The following CENPT variants were observed in gnomAD, a reference collection of about 807,000 sequenced individuals.
The protein encoded by CENPT is centromere protein T, also known as interphase centromere complex protein 22.
Under a neutral mutation model 59.7 loss-of-function variants are expected in CENPT, and 42 were observed. The ratio of observed to expected loss-of-function variants is 0.70; its 90% CI spans 0.55 to 0.91. The LOEUF (loss-of-function observed/expected upper bound fraction) is 0.91. CENPT is among the 40% of genes least tolerant of loss of function. The probability of loss-of-function intolerance (pLI) is 0.00; values close to 1 mark genes in which losing one functional copy is unlikely to be tolerated. For missense variants in CENPT, 716 were observed against 713.4 expected (o/e 1.00, Z -0.04); for synonymous variants, 295 against 289.6 (o/e 1.02, Z -0.19).
chr16:67,831,920 C>G (rs367603713), intron 7 of CENPT, 30 bp from the exon 8 acceptor site: 2 of 1,602,208 alleles, frequency 1.2e-6, no homozygotes, highest in Non-Finnish European at 8.5e-7. Flanking sequence ...CTCAGACAGG[C>G]CAGGAAGTCC....
chr16:67,839,552 A>C (rs549907140), intron 1 of CENPT, among the ~76,000 whole-genome samples: 11 of 151,964 alleles, frequency 7.2e-5, no homozygotes, highest in Admixed American at 2.0e-4. Context: ...AGAGTGAGAC[A>C]TCGTCTAAGA....
At chr16:67,830,977 C>G in intron 10 of CENPT, 3 of 586,914 alleles carry the variant, frequency 5.1e-6, no homozygotes, top group Non-Finnish European at 9.0e-6. Flanking sequence ...CACACCACAC[C>G]CCTTTACAAC....
At chr16:67,846,756 C>T (rs920609033) in intron 1 of CENPT, 4 of 152,388 alleles carry the variant, frequency 2.6e-5, no homozygotes, top group Admixed American at 2.6e-4. Context: ...AGCCTCCCTC[C>T]CTGGCTTAGC....
rs2057692515 is a variant in CENPT, at chr16:67,831,833, C to T, written c.444G>A (p.Leu148=). The stretch of plus-strand genomic sequence containing the variant: ...GCCTCTGTTTCCTCCTGCCAGGGGC[C>T]AGCAGACCTGGAGCCAGGGTTGTGG... ...EPPTTLAPGL[L]APGRRKQRLR... Residue 148 remains leucine, a synonymous_variant, in exon 8 of 16, where the codon CTG becomes CTA. Transcript: ENST00000562787. 1 of 1,609,086 alleles carries T rather than the reference C, an allele frequency of 6.2e-7. No individual in the cohort carries two copies.
In CENPT at chr16:67,833,848, G is replaced by C. The variant is rs758860929; in HGVS notation, c.12C>G (p.His4Gln). The C allele has an allele frequency of 6.4e-7, 1 of 1,559,152 alleles. No individual in the cohort carries two copies. The highest frequency in any genetic ancestry group is 8.7e-7 in the Non-Finnish European group (1 of 1,155,380). MAD[H>Q]NPDSDSTPRT... is the part of the protein sequence containing the mutation. ...GCGGCGTGGAGTCGCTGTCAGGGTT[G>C]TGGTCAGCCATCGTCTCGGCCCCGG... Residue 4 changes from histidine to glutamine, a missense_variant, in exon 4 of 16, where the codon CAC becomes CAG. Physicochemically the swap from His to Gln is conservative, Grantham distance 24 (BLOSUM62 0). Transcript: ENST00000562787.
chr16:67,832,834 T>A (rs529915625), intron 4 of CENPT, among the ~76,000 whole-genome samples: 76 of 152,186 alleles, frequency 5.0e-4, no homozygotes, highest in Middle Eastern at 6.8e-3. Context: ...AAAGGATAAG[T>A]AGGGGTTAGC....
At chr16:67,835,947 A>G (rs973476490) in intron 1 of CENPT, among the ~76,000 whole-genome samples, 2 of 151,346 alleles carry the variant, frequency 1.3e-5, no homozygotes, top group Non-Finnish European at 2.9e-5. Flanking sequence ...ACGGGGTTTC[A>G]CCATTTTGGT....
chr16:67,832,149 G>A (rs1338616774), intron 6 of CENPT, 41 bp from the exon 7 acceptor site: 1 of 1,605,960 alleles, frequency 6.2e-7, no homozygotes, highest in East Asian at 2.2e-5. Context: ...GACAGAACAG[G>A]CCACCCTGAA....
At chr16:67,845,721 G>C (rs1035776460) in intron 1 of CENPT, among the ~76,000 whole-genome samples, 1 of 152,248 alleles carries the variant, frequency 6.6e-6, no homozygotes, top group Non-Finnish European at 1.5e-5. Flanking sequence ...TTAGGGAGAA[G>C]AAGACAGTTC....
Position 67,843,643 on chromosome 16 carries a change from C to A in CENPT, c.-492+3758G>T. 3 of 806,134 alleles carry A rather than the reference C, an allele frequency of 3.7e-6. No homozygotes were observed. The highest frequency in any genetic ancestry group is 5.8e-6 in the Non-Finnish European group (3 of 517,978). The allele number at this position is 806,134 out of a possible 1,614,324, so 49.9% of individuals were successfully genotyped here. On this transcript the variant is annotated intron_variant, in intron 1 of 15. Transcript: ENST00000562787. The surrounding 1 kb of genome is among the most constrained non-coding windows in gnomAD (Gnocchi z 5.7). ...CTGGACTCTCTTGCTGGTGACCTGGCATCCTCAATTGTTTCCTCCTGAAGT... is the reference window on the plus strand; with the variant it reads ...CTGGACTCTCTTGCTGGTGACCTGGAATCCTCAATTGTTTCCTCCTGAAGT...
intron 10 of CENPT, 109 bp downstream of exon 10, chr16:67,831,107 T>C: frequency 6.9e-7 from 1 of 1,447,278 alleles, no homozygotes; most frequent in South Asian, 1.2e-5. Flanking sequence ...AGTTGCTCGC[T>C]GTCCTTGACC....
In CENPT at chr16:67,843,485, A is replaced by G; in HGVS notation, c.-492+3916T>C. On this transcript the variant is annotated intron_variant, in intron 1 of 15. Coordinates refer to ENST00000562787, the MANE Select transcript of CENPT (RefSeq NM_025082.4). This position sits in a 1 kb window ranked among gnomAD's most constrained non-coding sequence, Gnocchi z 5.7. ...GCTTGCCATGGCTGTCATCCGCAAG[A>G]AGCACGGAATGTGAACTGGTGCCCC... is the stretch of plus-strand genomic sequence containing the variant. The G allele has an allele frequency of 1.2e-6, 2 of 1,610,298 alleles. No individual in the cohort carries two copies. Among genetic ancestry groups the G allele is most frequent in the Non-Finnish European group, 1.7e-6 (2 of 1,177,964 alleles).
Position 67,842,839 on chromosome 16 carries a change from T to TGGGGCC in CENPT, c.-492+4556_-492+4561dup, listed in dbSNP as rs759655684. The stretch of plus-strand genomic sequence containing the variant: ...AGCGCAAAGTAGCGCGCAGACCCGC[T>TGGGGCC]GGGGCCGCGGCCGCCCGCCGCAGGC... On this transcript the variant is annotated intron_variant, in intron 1 of 15. Transcript: ENST00000562787. The surrounding 1 kb of genome is among the most constrained non-coding windows in gnomAD (Gnocchi z 4.9). 8.7e-6 allele frequency: 14 copies of TGGGGCC among 1,601,692 alleles called. No individual in the cohort carries two copies. In the South Asian group the frequency reaches 1.2e-4, roughly 14 times the overall value.
At chr16:67,831,098 G>C (rs1339037991) in intron 10 of CENPT, 118 bp downstream of exon 10, 2 of 1,343,702 alleles carry the variant, frequency 1.5e-6, no homozygotes, top group Non-Finnish European at 2.1e-6. Context: ...ACTGACCAGA[G>C]TTGCTCGCTG....
Position 67,830,554 on chromosome 16 carries a change from G to C in CENPT, c.704-6C>G. On this transcript the variant is annotated splice_region_variant and splice_polypyrimidine_tract_variant and intron_variant, in intron 10 of 15. Transcript: ENST00000562787. ...GGTGTCCTCCAACACAATGTCTGTGGGCAGAGTAGTAACAGGTTCTGAGGC... is the reference window on the plus strand; with the variant it reads ...GGTGTCCTCCAACACAATGTCTGTGCGCAGAGTAGTAACAGGTTCTGAGGC... 6.2e-7 allele frequency: 1 copy of C among 1,613,682 alleles called. No individual in the cohort carries two copies. The highest frequency in any genetic ancestry group is 8.5e-7 in the Non-Finnish European group (1 of 1,179,854).
chr16:67,831,980 A>G, intron 7 of CENPT, 32 bp downstream of exon 7: 2 of 1,590,674 alleles, frequency 1.3e-6, no homozygotes, highest in Non-Finnish European at 1.7e-6. Flanking sequence ...AGCTGCCCAT[A>G]GCACAATCCA....
chr16:67,832,598 A>G, intron 4 of CENPT, 53 bp from the exon 5 acceptor site: 5 of 1,486,764 alleles, frequency 3.4e-6, no homozygotes, highest in South Asian at 2.3e-5. Flanking sequence ...GGGATAGAGA[A>G]TATAGAGACA....
rs757708857 is a variant in CENPT at position 67,832,001 on chromosome 16, G to C, written c.386+11C>G. On this transcript the variant is annotated intron_variant, in intron 7 of 15. Transcript: ENST00000562787. The stretch of plus-strand genomic sequence containing the variant: ...CCATAGCACAATCCAAGGTGGGGGA[G>C]TTCTGTGTACCTGCCGCAACTGCTC... 1 of 1,593,852 alleles carries C rather than the reference G, an allele frequency of 6.3e-7. No homozygotes were observed.
rs1443548447 is a variant in CENPT, at chr16:67,842,546, G to A, written c.-492+4855C>T. ...GCCGGTGGGCCGGGCCGGGCCGCGC[G>A]GCGCAGCCATGCCTGGCTTTACGTG... On this transcript the variant is annotated intron_variant, in intron 1 of 15. Transcript: ENST00000562787. The surrounding 1 kb of genome is among the most constrained non-coding windows in gnomAD (Gnocchi z 4.9). 2 of 1,503,176 alleles carry A rather than the reference G, an allele frequency of 1.3e-6. No homozygotes were observed. The highest frequency in any genetic ancestry group is 1.3e-5 in the South Asian group (1 of 78,776). The allele number at this position is 1,503,176 out of a possible 1,614,324, so 93.1% of individuals were successfully genotyped here.
Sources: gnomAD v4.1 joint callset for allele counts (sites outside exome capture counted in the v4.1 genomes callset) on GRCh38, gnomAD v4.1.1 for gene constraint, Gnocchi (gnomAD v3.1) non-coding constraint, MANE v1.5 for transcripts, NCBI Gene and HGNC (gene_info 2026-07-23, HGNC 2026-07-21) for gene names.